PBX2: variants seen among roughly 807,000 people sequenced by gnomAD.
PBX2 encodes the protein pre-B-cell leukemia transcription factor 2.
PBX2 carries 10 observed loss-of-function variants against 46.5 expected under a neutral mutation model. The observed-to-expected ratio is 0.21, with a 90% confidence interval of 0.13 to 0.36. The LOEUF (loss-of-function observed/expected upper bound fraction) is 0.36. Ranked by LOEUF, PBX2 falls within the 10% of genes least tolerant of loss-of-function variation. The pLI is 1.00. For missense variants in PBX2, 392 were observed against 580.5 expected (o/e 0.68, Z 3.34); for synonymous variants, 160 against 222.5 (o/e 0.72, Z 2.50).
chr6:32,187,514 C>A lies in PBX2; in HGVS notation c.871-119G>T. The A allele has an allele frequency of 6.7e-7, 1 of 1,498,400 alleles. No individual in the cohort carries two copies. The highest frequency in any genetic ancestry group is 9.1e-7 in the Non-Finnish European group (1 of 1,103,458). 92.8% of individuals were successfully genotyped at this position (1,498,400 alleles called of 1,614,324 possible). A position where few individuals can be genotyped will look rare whatever the true frequency, so the allele number is the denominator to read the frequency against. On this transcript the variant is annotated intron_variant, in intron 5 of 8. Transcript: ENST00000375050. The surrounding 1 kb of genome is among the most constrained non-coding windows in gnomAD (Gnocchi z 7.7). ...TTCCTGGTCTCACTATGCTGTTGCC[C>A]AGGCTGGTCTCCAATTCAAGTGATC...
At position 32,188,374 on chromosome 6, in the gene PBX2, G is replaced by A. The variant is rs552123967; in HGVS notation, c.426C>T (p.Ala142=). 14 of 1,614,000 alleles carry A rather than the reference G, an allele frequency of 8.7e-6. No homozygotes were observed. The highest frequency in any genetic ancestry group is 2.7e-5 in the African/African-American group (2 of 75,068). ...ACACACCACCACCAGAGGCTGCAGCGGCTGCAGCTGCTGCTGCTGAGCCGC... is the reference window on the plus strand; with the variant it reads ...ACACACCACCACCAGAGGCTGCAGCAGCTGCAGCTGCTGCTGCTGAGCCGC... The part of the protein sequence containing the change: ...KGGGSAAAAA[A]AAASGGGVSP... The change falls in exon 3 of 9, where the codon GCC becomes GCT. Residue 142 remains alanine, a synonymous_variant. Coordinates refer to ENST00000375050, the MANE Select transcript of PBX2 (RefSeq NM_002586.5). This position sits in a 1 kb window ranked among gnomAD's most constrained non-coding sequence, Gnocchi z 6.5.
chr6:32,186,061 GGA>G lies in PBX2; in HGVS notation c.*319_*320del. 2.8e-6 allele frequency: 1 copy of G among 361,270 alleles called. No homozygotes were observed. The highest frequency in any genetic ancestry group is 4.3e-5 in the South Asian group (1 of 23,228). 22.4% of individuals were successfully genotyped at this position (361,270 alleles called of 1,614,324 possible). ...TATGTGTGTGTGAGGTGTGGGAGAG[GGA>G]GAGAGAAAGACAGAGGAGAAAAAGG... On this transcript the variant is annotated 3_prime_UTR_variant, in exon 9 of 9. Transcript: ENST00000375050. This position sits in a 1 kb window ranked among gnomAD's most constrained non-coding sequence, Gnocchi z 4.2.
rs554662454 is a variant in PBX2 at position 32,186,138 on chromosome 6, A to C, written c.*244T>G. On this transcript the variant is annotated 3_prime_UTR_variant, in exon 9 of 9. Transcript: ENST00000375050. The surrounding 1 kb of genome is among the most constrained non-coding windows in gnomAD (Gnocchi z 4.2). ...ATGTGTATGTTTCTGTGTAAGAAAGAAAGCGAGAGAGGAAAAAGATGGAAA... is the reference window on the plus strand; with the variant it reads ...ATGTGTATGTTTCTGTGTAAGAAAGCAAGCGAGAGAGGAAAAAGATGGAAA... The C allele has an allele frequency of 1.8e-6, 1 of 568,408 alleles. No homozygotes were observed. Among genetic ancestry groups the C allele is most frequent in the Non-Finnish European group, 3.1e-6 (1 of 318,184 alleles). 35.2% of individuals were successfully genotyped at this position (568,408 alleles called of 1,614,324 possible).
In PBX2 at chr6:32,187,624, T is replaced by A; in HGVS notation, c.870+23A>T. 6.3e-7 allele frequency: 1 copy of A among 1,577,902 alleles called. No homozygotes were observed. The highest frequency in any genetic ancestry group is 8.6e-7 in the Non-Finnish European group (1 of 1,161,420). On this transcript the variant is annotated intron_variant, in intron 5 of 8. Transcript: ENST00000375050. This position sits in a 1 kb window ranked among gnomAD's most constrained non-coding sequence, Gnocchi z 7.7. ...AGATGCGTGCACTTTGCCTGACAAC[T>A]CCTCCCGCAACCTCCATAATACCTG... is the stretch of plus-strand genomic sequence containing the variant.
In PBX2 at chr6:32,186,561, TC is replaced by T. The variant is rs1330372397; in HGVS notation, c.1200+42del. ...CATTACTAGGGAAAATGCCCCTCTG[TC>T]CTGTGAGAACTGGACAGAGAGGAGC... On this transcript the variant is annotated intron_variant, in intron 8 of 8. Coordinates refer to ENST00000375050, the MANE Select transcript of PBX2 (RefSeq NM_002586.5). This position sits in a 1 kb window ranked among gnomAD's most constrained non-coding sequence, Gnocchi z 4.2. 13 of 1,575,642 alleles carry T rather than the reference TC, an allele frequency of 8.3e-6. No individual in the cohort carries two copies. Among genetic ancestry groups the T allele is most frequent in the African/African-American group, 8.1e-5 (6 of 74,124 alleles).
chr6:32,187,262 G>A lies in PBX2; in HGVS notation c.1004C>T (p.Pro335Leu), dbSNP rs764780868. 11 of 1,612,860 alleles carry A rather than the reference G, an allele frequency of 6.8e-6. No individual in the cohort carries two copies. Among genetic ancestry groups the A allele is most frequent in the African/African-American group, 1.3e-5 (1 of 74,912 alleles). The stretch of plus-strand genomic sequence containing the variant: ...TCCACCTGCAGAGGAAGGGGGTGTC[G>A]GGGAGCTGGTGCGGCTGTGGCCCCC... Reference protein sequence around the residue: ...TQGGHSRTSSPTPPSSAGSGG... With the variant: ...TQGGHSRTSSLTPPSSAGSGG... The change falls in exon 6 of 9, where the codon CCG becomes CTG. Residue 335 changes from proline to leucine, a missense_variant. Coordinates refer to ENST00000375050, the MANE Select transcript of PBX2 (RefSeq NM_002586.5). The surrounding 1 kb of genome is among the most constrained non-coding windows in gnomAD (Gnocchi z 7.7).
rs1301638934 is a variant in PBX2, at chr6:32,185,104, T to C, written c.*1278A>G. On this transcript the variant is annotated 3_prime_UTR_variant, in exon 9 of 9. Coordinates refer to ENST00000375050, the MANE Select transcript of PBX2 (RefSeq NM_002586.5). Reference sequence around the variant, plus strand: ...TTATGGGGAAATTGAGGAAGATACATATACAAGCACCCCAACCCATATTTA... The same window carrying C: ...TTATGGGGAAATTGAGGAAGATACACATACAAGCACCCCAACCCATATTTA... 6.6e-6 allele frequency: 1 copy of C among 152,628 alleles called. No homozygotes were observed. Among genetic ancestry groups the C allele is most frequent in the Non-Finnish European group, 1.5e-5 (1 of 68,046 alleles). 9.5% of individuals were successfully genotyped at this position (152,628 alleles called of 1,614,324 possible).
chr6:32,187,961 C>T lies in PBX2; in HGVS notation c.734+5G>A. 6.5e-7 allele frequency: 1 copy of T among 1,536,794 alleles called. No homozygotes were observed. Among genetic ancestry groups the T allele is most frequent in the South Asian group, 1.2e-5 (1 of 80,294 alleles). ...TGGGGGCCAGCCTGGGGTCCCTGGGCCCACCTGGCATCCAGGAAACGGGAG... is the reference window on the plus strand; with the variant it reads ...TGGGGGCCAGCCTGGGGTCCCTGGGTCCACCTGGCATCCAGGAAACGGGAG... On this transcript the variant is annotated splice_donor_5th_base_variant and intron_variant, in intron 4 of 8. Transcript: ENST00000375050. This position sits in a 1 kb window ranked among gnomAD's most constrained non-coding sequence, Gnocchi z 7.7.
At position 32,188,847 on chromosome 6, in the gene PBX2, C is replaced by A; in HGVS notation, c.222-51G>T. The stretch of plus-strand genomic sequence containing the variant: ...GAGAAAAGTTGAGGAGCTAGAGAAA[C>A]AGAGCAGGGGGCCTGAGAACAAGGA... On this transcript the variant is annotated intron_variant, in intron 1 of 8. Transcript: ENST00000375050. This position sits in a 1 kb window ranked among gnomAD's most constrained non-coding sequence, Gnocchi z 6.5. 6.6e-7 allele frequency: 1 copy of A among 1,525,914 alleles called. No homozygotes were observed. 94.5% of individuals were successfully genotyped at this position (1,525,914 alleles called of 1,614,324 possible).
chr6:32,188,188 G>A lies in PBX2; in HGVS notation c.544-32C>T. The A allele has an allele frequency of 6.3e-7, 1 of 1,599,404 alleles. No homozygotes were observed. Among genetic ancestry groups the A allele is most frequent in the South Asian group, 1.1e-5 (1 of 89,252 alleles). On this transcript the variant is annotated intron_variant, in intron 3 of 8. Transcript: ENST00000375050. This position sits in a 1 kb window ranked among gnomAD's most constrained non-coding sequence, Gnocchi z 6.5. ...TGGGGGCCAGTGGGCTGGTGAGGAG[G>A]AGCCCTTTGACCATGGGATTCCCCT...
In PBX2 at chr6:32,188,105, G is replaced by A. The variant is rs1405016690; in HGVS notation, c.595C>T (p.Arg199Cys). Reference sequence around the variant, plus strand: ...TCTTTGGGGGCCACGGGCCTGGTGCGGCTCTGCTCCCTCAGCAGGTTCATG... The same window carrying A: ...TCTTTGGGGGCCACGGGCCTGGTGCAGCTCTGCTCCCTCAGCAGGTTCATG... ...HVMNLLREQS[R>C]TRPVAPKEME... is the part of the protein sequence containing the mutation. The change falls in exon 4 of 9, where the codon CGC becomes TGC. Residue 199 changes from arginine to cysteine, a missense_variant. Physicochemically the swap from Arg to Cys is radical, Grantham distance 180. Transcript: ENST00000375050. This position sits in a 1 kb window ranked among gnomAD's most constrained non-coding sequence, Gnocchi z 6.5. The A allele has an allele frequency of 1.9e-6, 3 of 1,591,144 alleles. No individual in the cohort carries two copies. The highest frequency in any genetic ancestry group is 1.7e-5 in the Admixed American group (1 of 57,956).
rs1352083267 is a variant in PBX2 at position 32,186,761 on chromosome 6, A to G, written c.1113+52T>C. The G allele has an allele frequency of 1.3e-6, 2 of 1,596,638 alleles. No homozygotes were observed. Among genetic ancestry groups the G allele is most frequent in the Non-Finnish European group, 1.7e-6 (2 of 1,164,188 alleles). On this transcript the variant is annotated intron_variant, in intron 7 of 8. Coordinates refer to ENST00000375050, the MANE Select transcript of PBX2 (RefSeq NM_002586.5). This position sits in a 1 kb window ranked among gnomAD's most constrained non-coding sequence, Gnocchi z 4.2. The stretch of plus-strand genomic sequence containing the variant: ...GGAAAGAGGTCTTGTATCCTAAAGT[A>G]GAGGAAATGGAGTTGGGGAAAGCCC...
Position 32,189,954 on chromosome 6 carries a change from C to T in PBX2, c.-39G>A. On this transcript the variant is annotated 5_prime_UTR_variant, in exon 1 of 9. Transcript: ENST00000375050. The surrounding 1 kb of genome is among the most constrained non-coding windows in gnomAD (Gnocchi z 4.7). ...CCCTGAGGCCCCCTCCCTGCTCCGCCCCTCCCCCCGCCTGGTTACTTCTCC... is the reference window on the plus strand; with the variant it reads ...CCCTGAGGCCCCCTCCCTGCTCCGCTCCTCCCCCCGCCTGGTTACTTCTCC... 1.1e-6 allele frequency: 1 copy of T among 932,588 alleles called. No homozygotes were observed. The highest frequency in any genetic ancestry group is 3.7e-5 in the Admixed American group (1 of 27,056). The allele number at this position is 932,588 out of a possible 1,614,324, so 57.8% of individuals were successfully genotyped here. A position where few individuals can be genotyped will look rare whatever the true frequency, so the allele number is the denominator to read the frequency against.
Position 32,187,581 on chromosome 6 carries a change from C to T in PBX2, c.870+66G>A. On this transcript the variant is annotated intron_variant, in intron 5 of 8. Coordinates refer to ENST00000375050, the MANE Select transcript of PBX2 (RefSeq NM_002586.5). This position sits in a 1 kb window ranked among gnomAD's most constrained non-coding sequence, Gnocchi z 7.7. ...CCTAGTAGCTGGGATTACAGGAACA[C>T]ACCACTGCACCTAGCTGAGATGCGT... The T allele has an allele frequency of 6.5e-7, 1 of 1,540,870 alleles. No homozygotes were observed. The highest frequency in any genetic ancestry group is 8.8e-7 in the Non-Finnish European group (1 of 1,139,982).
chr6:32,187,719 G>A lies in PBX2; in HGVS notation c.798C>T (p.His266=), dbSNP rs1489050131. 4 of 1,611,224 alleles carry A rather than the reference G, an allele frequency of 2.5e-6. No individual in the cohort carries two copies. In the South Asian group the frequency reaches 3.3e-5, roughly 13 times the overall value. ...CCTCACTAGGATATGGGTTACTCAG[G>A]TGGGAGTAGAAATACTCATTTAGGA... ...TEVLNEYFYS[H]LSNPYPSEEA... is the part of the protein sequence containing the mutation. The change falls in exon 5 of 9, where the codon CAC becomes CAT. Residue 266 remains histidine, a synonymous_variant. Coordinates refer to ENST00000375050, the MANE Select transcript of PBX2 (RefSeq NM_002586.5). The surrounding 1 kb of genome is among the most constrained non-coding windows in gnomAD (Gnocchi z 7.7).
chr6:32,186,484 G>A lies in PBX2; in HGVS notation c.1201-10C>T. ...GCCAGCTGCCATTTGCCTGAAAGGA[G>A]AGACAGAGTACAGAAAACAGAGAAA... is the stretch of plus-strand genomic sequence containing the variant. On this transcript the variant is annotated splice_polypyrimidine_tract_variant and intron_variant, in intron 8 of 8. Transcript: ENST00000375050. This position sits in a 1 kb window ranked among gnomAD's most constrained non-coding sequence, Gnocchi z 4.2. 1 of 1,612,482 alleles carries A rather than the reference G, an allele frequency of 6.2e-7. No individual in the cohort carries two copies. Among genetic ancestry groups the A allele is most frequent in the Non-Finnish European group, 8.5e-7 (1 of 1,178,774 alleles).
rs771802055 is a variant in PBX2 at position 32,187,803 on chromosome 6, C to T, written c.735-21G>A. On this transcript the variant is annotated intron_variant, in intron 4 of 8. Coordinates refer to ENST00000375050, the MANE Select transcript of PBX2 (RefSeq NM_002586.5). This position sits in a 1 kb window ranked among gnomAD's most constrained non-coding sequence, Gnocchi z 7.7. ...TTCGTCTACAGAGGAGGGAGAAGAG[C>T]AGTGAGGAGGATGTTGATGTCCTGG... 8.7e-6 allele frequency: 14 copies of T among 1,610,956 alleles called. No homozygotes were observed. The highest frequency in any genetic ancestry group is 1.3e-5 in the African/African-American group (1 of 74,892).
chr6:32,188,850 A>G lies in PBX2; in HGVS notation c.222-54T>C. 1 of 1,511,528 alleles carries G rather than the reference A, an allele frequency of 6.6e-7. No individual in the cohort carries two copies. Among genetic ancestry groups the G allele is most frequent in the Admixed American group, 1.7e-5 (1 of 59,786 alleles). 93.6% of individuals were successfully genotyped at this position (1,511,528 alleles called of 1,614,324 possible). On this transcript the variant is annotated intron_variant, in intron 1 of 8. Transcript: ENST00000375050. This position sits in a 1 kb window ranked among gnomAD's most constrained non-coding sequence, Gnocchi z 6.5. ...AAAAGTTGAGGAGCTAGAGAAACAG[A>G]GCAGGGGGCCTGAGAACAAGGAGGG...
At position 32,188,029 on chromosome 6, in the gene PBX2, A is replaced by C. The variant is rs1396027730; in HGVS notation, c.671T>G (p.Met224Arg). ...CTCGCAGGTGCTCTGCTTCAGCTGC[A>C]TCTGGATGGCGCTGAACTTTCGATG... ...IIHRKFSAIQ[M>R]QLKQSTCEAV... The change falls in exon 4 of 9, where the codon ATG (methionine) becomes AGG (arginine). Residue 224 changes from methionine (M) to arginine (R), a missense_variant. Met to Arg is a moderately conservative substitution (Grantham distance 91). This residue lies in a region of PBX2 where 80 missense variants were observed against 175.7 expected (regional missense o/e 0.46). Coordinates refer to ENST00000375050, the MANE Select transcript of PBX2 (RefSeq NM_002586.5). The surrounding 1 kb of genome is among the most constrained non-coding windows in gnomAD (Gnocchi z 6.5). 1 of 1,590,060 alleles carries C rather than the reference A, an allele frequency of 6.3e-7. No individual in the cohort carries two copies. Among genetic ancestry groups the C allele is most frequent in the Non-Finnish European group, 8.6e-7 (1 of 1,166,744 alleles).
Sources: allele counts gnomAD v4.1 joint callset, GRCh38; gene constraint gnomAD v4.1.1; regional missense constraint gnomAD v4.1.1; non-coding constraint Gnocchi (gnomAD v3.1); transcripts MANE v1.5; gene names NCBI Gene and HGNC (gene_info 2026-07-23, HGNC 2026-07-21).